The following TCAIM variants were observed in gnomAD, a reference collection of about 807,000 sequenced individuals.
TCAIM encodes T-cell activation inhibitor, mitochondrial.
TCAIM carries 36 observed loss-of-function variants against 58.6 expected under a neutral mutation model. The ratio of observed to expected loss-of-function variants is 0.61; its 90% CI spans 0.47 to 0.81. The LOEUF (loss-of-function observed/expected upper bound fraction) is 0.81, where lower values mean the gene tolerates loss of function less well. TCAIM is among the 30% of genes least tolerant of loss of function. The pLI is 0.00. For missense variants in TCAIM, 466 were observed against 579.6 expected (o/e 0.80, Z 2.01); for synonymous variants, 172 against 193.6 (o/e 0.89, Z 0.93).
chr3:44,381,277 A>T (rs1701650860), intron 5 of TCAIM, among the ~76,000 whole-genome samples: 1 of 152,172 alleles, frequency 6.6e-6, no homozygotes, highest in Admixed American at 6.5e-5. Context: ...ACCAAGTAGG[A>T]TATATTCCTA....
At chr3:44,357,950 G>T in intron 3 of TCAIM, 74 bp downstream of exon 3, 2 of 1,522,242 alleles carry the variant, frequency 1.3e-6, no homozygotes, top group South Asian at 1.3e-5. Context: ...ATAATACATA[G>T]AGTTCTATAA....
chr3:44,358,795 CT>C, intron 3 of TCAIM: 2 of 985,248 alleles, frequency 2.0e-6, no homozygotes, highest in Non-Finnish European at 2.4e-6. Flanking sequence ...ACACTGATAT[CT>C]AGTTTAATAT....
chr3:44,372,037 GGAAGGAA>G (rs1559570985), intron 5 of TCAIM, among the ~76,000 whole-genome samples: 2 of 145,262 alleles, frequency 1.4e-5, no homozygotes, highest in Non-Finnish European at 3.0e-5. Flanking sequence ...AAGGAAGGAA[GGAAGGAA>G]GGAAGGAAGG....
intron 5 of TCAIM, among the ~76,000 whole-genome samples, chr3:44,373,562 G>A (rs1701515076): frequency 6.6e-6 from 1 of 152,042 alleles, no homozygotes. Context: ...ACTGAGGCAG[G>A]AGAACTGCTT....
chr3:44,380,097 A>G (rs923932100), intron 5 of TCAIM, among the ~76,000 whole-genome samples: 1 of 152,182 alleles, frequency 6.6e-6, no homozygotes, highest in Non-Finnish European at 1.5e-5. Context: ...GTAAAATGTA[A>G]AGTAGTAAGA....
intron 5 of TCAIM, among the ~76,000 whole-genome samples, chr3:44,371,252 C>G (rs1701465050): frequency 6.6e-6 from 1 of 151,560 alleles, no homozygotes; most frequent in Non-Finnish European, 1.5e-5. Flanking sequence ...GAGACAAGGT[C>G]TCACTATGTT....
At chr3:44,385,199 C>T (rs1701719604) in intron 5 of TCAIM, among the ~76,000 whole-genome samples, 1 of 152,116 alleles carries the variant, frequency 6.6e-6, no homozygotes, top group South Asian at 2.1e-4. Context: ...ACAAAAGAAA[C>T]CAGCCCTAAT....
At chr3:44,366,928 G>A (rs1298557748) in intron 4 of TCAIM, among the ~76,000 whole-genome samples, 5 of 151,992 alleles carry the variant, frequency 3.3e-5, no homozygotes, top group Admixed American at 2.6e-4. Flanking sequence ...GAAAATATTG[G>A]GTTACTACCT....
intron 7 of TCAIM, 94 bp from the exon 8 acceptor site, chr3:44,396,649 A>G (rs1361866536): frequency 2.7e-6 from 4 of 1,458,608 alleles, no homozygotes; most frequent in Non-Finnish European, 3.8e-6. Context: ...TTAAGCTTCT[A>G]CTGAATTTAA....
chr3:44,396,307 T>C (rs1423566460), intron 6 of TCAIM, 93 bp from the exon 7 acceptor site: 31 of 993,004 alleles, frequency 3.1e-5, no homozygotes, highest in Admixed American at 3.0e-5. Flanking sequence ...AAGAGACTCA[T>C]TGGCTTTCCA....
At position 44,396,394 on chromosome 3, in the gene TCAIM, G is replaced by T; in HGVS notation, c.696-6G>T. ...GTTAACATGAGTGTGTGCTCTGTTG[G>T]CCTAGGTGGCAGAGGAGCTGGGGCA... On this transcript the variant is annotated splice_region_variant and splice_polypyrimidine_tract_variant and intron_variant, in intron 6 of 10. Transcript: ENST00000342649. The T allele has an allele frequency of 2.5e-6, 4 of 1,612,334 alleles. No individual in the cohort carries two copies. The highest frequency in any genetic ancestry group is 3.4e-6 in the Non-Finnish European group (4 of 1,179,416).
intron 6 of TCAIM, among the ~76,000 whole-genome samples, chr3:44,395,407 A>G (rs938578685): frequency 1.3e-5 from 2 of 152,164 alleles, no homozygotes; most frequent in African/African-American, 2.4e-5. Context: ...TTTGATGCCT[A>G]CTATCTGTGT....
At chr3:44,349,028 T>C (rs373107056) in intron 1 of TCAIM, among the ~76,000 whole-genome samples, 5 of 148,666 alleles carry the variant, frequency 3.4e-5, no homozygotes, top group East Asian at 4.1e-4. Context: ...AATTATAGGG[T>C]TGGGGAGCGG....
chr3:44,361,912 C>T (rs1266972325), intron 4 of TCAIM, among the ~76,000 whole-genome samples: 1 of 152,134 alleles, frequency 6.6e-6, no homozygotes, highest in Non-Finnish European at 1.5e-5. Flanking sequence ...TTCCCAAGAC[C>T]AGAGAGAAAG....
chr3:44,366,821 C>CA (rs1386584072), intron 4 of TCAIM, among the ~76,000 whole-genome samples: 2 of 152,140 alleles, frequency 1.3e-5, no homozygotes, highest in African/African-American at 4.8e-5. Flanking sequence ...AGGCTGGTCT[C>CA]AAACTCCTGA....
chr3:44,345,360 A>G (rs1700945004), intron 1 of TCAIM, among the ~76,000 whole-genome samples: 1 of 152,156 alleles, frequency 6.6e-6, no homozygotes, highest in South Asian at 2.1e-4. Flanking sequence ...AGGACTTAAG[A>G]ATTGGGAGGA....
At position 44,396,396 on chromosome 3, in the gene TCAIM, C is replaced by CT; in HGVS notation, c.696-3dup. 6.2e-7 allele frequency: 1 copy of CT among 1,612,388 alleles called. No individual in the cohort carries two copies. Among genetic ancestry groups the CT allele is most frequent in the Non-Finnish European group, 8.5e-7 (1 of 1,179,432 alleles). On this transcript the variant is annotated splice_region_variant and splice_polypyrimidine_tract_variant and intron_variant, in intron 6 of 10. Transcript: ENST00000342649. Reference sequence around the variant, plus strand: ...TAACATGAGTGTGTGCTCTGTTGGCCTAGGTGGCAGAGGAGCTGGGGCATC... The same window carrying CT: ...TAACATGAGTGTGTGCTCTGTTGGCCTTAGGTGGCAGAGGAGCTGGGGCATC...
At chr3:44,398,511 C>T (rs13080889) in intron 8 of TCAIM, among the ~76,000 whole-genome samples, 76,873 of 151,310 alleles carry the variant, frequency 0.51, 20,264 homozygotes, top group East Asian at 0.81. Flanking sequence ...AACCATAGTG[C>T]ATTATCACTA....
chr3:44,357,355 AAG>A lies in TCAIM; in HGVS notation c.30-380_30-379del, dbSNP rs1017099975. ...AGCAAGACTCTGTCTGAAAGAAAAA[AAG>A]AGAGAAAGAGATAGATATAGACAGA... On this transcript the variant is annotated intron_variant, in intron 2 of 10. Transcript: ENST00000342649. Among the ~76,000 whole-genome samples, 5 of 134,338 alleles carry A rather than the reference AAG, an allele frequency of 3.7e-5. No homozygotes were observed. In the Admixed American group the frequency reaches 4.1e-4, roughly 11 times the overall value. 88.1% of individuals were successfully genotyped at this position (134,338 alleles called of 152,430 possible). A position where few individuals can be genotyped will look rare whatever the true frequency, so the allele number is the denominator to read the frequency against.
Sources: gnomAD v4.1 joint callset for allele counts (sites outside exome capture counted in the v4.1 genomes callset) on GRCh38, gnomAD v4.1.1 for gene constraint, MANE v1.5 for transcripts, NCBI Gene and HGNC (gene_info 2026-07-23, HGNC 2026-07-21) for gene names.